The following OTUB2 variants were observed in gnomAD, a reference collection of about 807,000 sequenced individuals.
OTUB2 encodes ubiquitin thioesterase OTUB2.
OTUB2 carries 21 observed loss-of-function variants against 25.1 expected under a neutral mutation model. That is an observed-to-expected ratio of 0.84 (90% CI 0.59 to 1.21). OTUB2 has a LOEUF of 1.21. OTUB2 is among the 50% of genes most tolerant of loss of function. The probability of loss-of-function intolerance (pLI) is 0.00; values close to 1 mark genes in which losing one functional copy is unlikely to be tolerated. For missense variants in OTUB2, 283 were observed against 298.0 expected, an observed-to-expected ratio of 0.95 and a Z score of 0.37; for synonymous variants, 122 against 122.8, an observed-to-expected ratio of 0.99 and a Z score of 0.04.
At position 94,045,874 on chromosome 14, in the gene OTUB2, C is replaced by T. The variant is rs148703883; in HGVS notation, c.657C>T (p.Leu219=). The T allele has an allele frequency of 1.4e-4, 221 of 1,614,226 alleles. 3 individuals are homozygous for T. The African/African-American group carries it at 2.5e-3, about 18-fold the overall frequency. ...CCGCCACCCCTTCCGTTTACCTGCT[C>T]TATAAAACATCCCACTACAACATCC... ...PEAATPSVYL[L]YKTSHYNILY... Residue 219 remains leucine (L), a synonymous_variant, in exon 6 of 6, where the codon CTC becomes CTT. Transcript: ENST00000203664.
intron 1 of OTUB2, among the ~76,000 whole-genome samples, chr14:94,028,922 T>C (rs1448270166): frequency 1.3e-5 from 2 of 152,178 alleles, no homozygotes; most frequent in African/African-American, 4.8e-5. Context: ...GGCACATTCC[T>C]TTTGGCGGGT....
chr14:94,039,470 C>T (rs1364672572), intron 3 of OTUB2: 1 of 205,078 alleles, frequency 4.9e-6, no homozygotes, highest in Non-Finnish European at 9.9e-6. Flanking sequence ...GTGTGTGACC[C>T]AGGCATTCAG....
At chr14:94,044,912 C>A in intron 5 of OTUB2, 132 bp downstream of exon 5, 1 of 937,278 alleles carries the variant, frequency 1.1e-6, no homozygotes, top group Non-Finnish European at 1.5e-6. Context: ...AGAGCTAGGT[C>A]AGCAAGCTGC....
intron 1 of OTUB2, among the ~76,000 whole-genome samples, chr14:94,033,739 G>A (rs1210554598): frequency 2.6e-5 from 4 of 152,208 alleles, no homozygotes; most frequent in Admixed American, 6.5e-5. Context: ...GAGCAGGTGC[G>A]CTTGTTTTTC....
In OTUB2 at chr14:94,026,533, T is replaced by G; in HGVS notation, c.-5T>G. 7.9e-7 allele frequency: 1 copy of G among 1,263,594 alleles called. No homozygotes were observed. 78.3% of individuals were successfully genotyped at this position (1,263,594 alleles called of 1,614,324 possible). A position where few individuals can be genotyped will look rare whatever the true frequency, so the allele number is the denominator to read the frequency against. On this transcript the variant is annotated 5_prime_UTR_variant, in exon 1 of 6. Coordinates refer to ENST00000203664, the MANE Select transcript of OTUB2 (RefSeq NM_023112.4). ...GCGGGACCTGGCCTGGCGGCTCTGG[T>G]CACTATGGTCAGTGATCGTGGGGGA...
intron 1 of OTUB2, among the ~76,000 whole-genome samples, chr14:94,030,863 G>A (rs764100494): frequency 2.0e-5 from 3 of 152,160 alleles, no homozygotes; most frequent in Admixed American, 6.5e-5. Context: ...GGAGCCTCTA[G>A]AAACGGAAGA....
intron 3 of OTUB2, among the ~76,000 whole-genome samples, chr14:94,040,912 T>C (rs1188596210): frequency 1.3e-5 from 2 of 152,154 alleles, no homozygotes; most frequent in Non-Finnish European, 2.9e-5. Context: ...GCAGGGCACA[T>C]AGGGCCTTGG....
Position 94,044,721 on chromosome 14 carries a change from G to C in OTUB2, c.439G>C (p.Ala147Pro), listed in dbSNP as rs1376199838. The change falls in exon 5 of 6, where the codon GCA (alanine) becomes CCA (proline). Residue 147 changes from alanine (A) to proline (P), a missense_variant. Coordinates refer to ENST00000203664, the MANE Select transcript of OTUB2 (RefSeq NM_023112.4). ...CACGTCGGCCTTCATCAGGAACCGA[G>C]CAGACTTCTTCCGGCACTTCATTGA... is the stretch of plus-strand genomic sequence containing the variant. Reference protein sequence around the residue: ...LLTSAFIRNRADFFRHFIDEE... With the variant: ...LLTSAFIRNRPDFFRHFIDEE... 2.5e-6 allele frequency: 4 copies of C among 1,613,848 alleles called. No homozygotes were observed. Among genetic ancestry groups the C allele is most frequent in the African/African-American group, 1.3e-5 (1 of 74,944 alleles).
intron 1 of OTUB2, among the ~76,000 whole-genome samples, chr14:94,032,905 C>T (rs1595365453): frequency 6.6e-6 from 1 of 152,082 alleles, no homozygotes; most frequent in South Asian, 2.1e-4. Flanking sequence ...GGGAGGGCTC[C>T]GAACTGCTAT....
chr14:94,037,196 T>C (rs539969420), intron 1 of OTUB2, among the ~76,000 whole-genome samples, 184 bp from the exon 2 acceptor site: 1 of 152,280 alleles, frequency 6.6e-6, no homozygotes, highest in East Asian at 1.9e-4. Context: ...TGACTATCCC[T>C]GTTCTGGAAA....
chr14:94,033,357 T>A (rs10132006), intron 1 of OTUB2, among the ~76,000 whole-genome samples: 4,092 of 152,320 alleles, frequency 0.027, 180 homozygotes, highest in African/African-American at 0.093. Flanking sequence ...CACCTTTAAA[T>A]ATTCCTCATT....
Position 94,045,825 on chromosome 14 carries a change from T to C in OTUB2, c.608T>C (p.Leu203Pro), listed in dbSNP as rs1489550451. ...VEYVDEMDTA[L>P]NHHVFPEAAT... is the part of the protein sequence containing the mutation. ...TACGTGGACGAGATGGATACCGCCC[T>C]GAACCACCACGTGTTCCCTGAGGCC... Residue 203 changes from leucine to proline, a missense_variant, in exon 6 of 6, where the codon CTG (leucine) becomes CCG (proline). Leu to Pro is a moderately conservative substitution (Grantham distance 98, BLOSUM62 -3). Transcript: ENST00000203664. The C allele has an allele frequency of 6.2e-7, 1 of 1,614,234 alleles. No individual in the cohort carries two copies. The highest frequency in any genetic ancestry group is 1.1e-5 in the South Asian group (1 of 91,088).
At chr14:94,039,867 C>A (rs1191527956) in intron 3 of OTUB2, among the ~76,000 whole-genome samples, 1 of 152,168 alleles carries the variant, frequency 6.6e-6, no homozygotes, top group East Asian at 1.9e-4. Context: ...CCCGCACCGA[C>A]ATGCTCTCTG....
chr14:94,044,499 T>G (rs1885225581), intron 4 of OTUB2, 87 bp from the exon 5 acceptor site: 2 of 1,353,352 alleles, frequency 1.5e-6, no homozygotes. Flanking sequence ...CGTGAGGGCT[T>G]CACGCGAAGG....
chr14:94,028,807 G>A (rs146696897), intron 1 of OTUB2, among the ~76,000 whole-genome samples: 1 of 152,328 alleles, frequency 6.6e-6, no homozygotes, highest in African/African-American at 2.4e-5. Flanking sequence ...CACAGTGAGA[G>A]GTCAATATGC....
At chr14:94,043,646 A>G (rs996622421) in intron 3 of OTUB2, among the ~76,000 whole-genome samples, 6 of 151,484 alleles carry the variant, frequency 4.0e-5, no homozygotes, top group Non-Finnish European at 8.8e-5. Flanking sequence ...TCAGTATTCA[A>G]TATTATCATG....
At chr14:94,040,809 A>G (rs1317529442) in intron 3 of OTUB2, among the ~76,000 whole-genome samples, 1 of 152,192 alleles carries the variant, frequency 6.6e-6, no homozygotes, top group African/African-American at 2.4e-5. Flanking sequence ...TCGGATGGTG[A>G]TAAGTATTGT....
At chr14:94,034,886 CT>C (rs1885022346) in intron 1 of OTUB2, among the ~76,000 whole-genome samples, 1 of 152,244 alleles carries the variant, frequency 6.6e-6, no homozygotes, top group South Asian at 2.1e-4. Context: ...CCCCAGCTAC[CT>C]GGCTGCCCAT....
chr14:94,027,521 C>G (rs985148475), intron 1 of OTUB2, among the ~76,000 whole-genome samples: 1 of 152,248 alleles, frequency 6.6e-6, no homozygotes, highest in Non-Finnish European at 1.5e-5. Context: ...CGCTCTCCCC[C>G]TCAGCACCGT....
Sources: gnomAD v4.1 joint callset for allele counts (sites outside exome capture counted in the v4.1 genomes callset) on GRCh38, gnomAD v4.1.1 for gene constraint, MANE v1.5 for transcripts, NCBI Gene and HGNC (gene_info 2026-07-23, HGNC 2026-07-21) for gene names.